The following ACTR3B variants were observed in gnomAD, a reference collection of about 807,000 sequenced individuals.
The protein encoded by ACTR3B is actin related protein 3B.
A neutral mutation model predicts 59.0 loss-of-function variants in ACTR3B; 8 were observed. The ratio of observed to expected loss-of-function variants is 0.14; its 90% CI spans 0.08 to 0.24. The LOEUF (loss-of-function observed/expected upper bound fraction) is 0.24. Ranked by LOEUF, ACTR3B falls within the 10% of genes least tolerant of loss-of-function variation. The probability of loss-of-function intolerance (pLI) is 1.00; values close to 1 mark genes in which losing one functional copy is unlikely to be tolerated. For missense variants in ACTR3B, 245 were observed against 552.3 expected (o/e 0.44, Z 5.58); for synonymous variants, 148 against 197.9 (o/e 0.75, Z 2.12).
chr7:152,815,627 C>G (rs1265267801), intron 5 of ACTR3B, among the ~76,000 whole-genome samples: 1 of 152,236 alleles, frequency 6.6e-6, no homozygotes, highest in Non-Finnish European at 1.5e-5. Flanking sequence ...AGCAGCATCC[C>G]TGGCCTCTGC....
rs1041387292 is a variant in ACTR3B, at chr7:152,854,600, T to C, written c.*47T>C. On this transcript the variant is annotated 3_prime_UTR_variant, in exon 12 of 12. Coordinates refer to ENST00000256001, the MANE Select transcript of ACTR3B (RefSeq NM_020445.6). This position sits in a 1 kb window ranked among gnomAD's most constrained non-coding sequence, Gnocchi z 4.9. ...CGATGGTGTCACGTTGGGGAACAAG[T>C]GTCCTTCAGAACCCAGAGAAGGCCG... 2 of 1,585,854 alleles carry C rather than the reference T, an allele frequency of 1.3e-6. No individual in the cohort carries two copies. Among genetic ancestry groups the C allele is most frequent in the Non-Finnish European group, 1.7e-6 (2 of 1,155,806 alleles).
chr7:152,784,973 G>C (rs1357740757), intron 2 of ACTR3B, among the ~76,000 whole-genome samples: 2 of 152,108 alleles, frequency 1.3e-5, no homozygotes, highest in African/African-American at 2.4e-5. Flanking sequence ...TCTGTAGGAT[G>C]AATCAGTCTT....
At chr7:152,760,692 T>G (rs770275402) in intron 1 of ACTR3B, among the ~76,000 whole-genome samples, 5 of 152,226 alleles carry the variant, frequency 3.3e-5, no homozygotes, top group Non-Finnish European at 7.3e-5. Context: ...TTTTAACTTT[T>G]TGAGTGTGAC....
chr7:152,818,950 T>C (rs1239639430), intron 6 of ACTR3B, among the ~76,000 whole-genome samples: 1 of 152,240 alleles, frequency 6.6e-6, no homozygotes, highest in Non-Finnish European at 1.5e-5. Context: ...GTACATAATT[T>C]ATTTTTCTGT....
Position 152,825,476 on chromosome 7 carries a change from G to A in ACTR3B, c.951+354G>A, listed in dbSNP as rs557425032. ...ACAGGTGCACGCCACCACACCCAGC[G>A]AATTTTTTTTTTTGTATTTCAGTAG... On this transcript the variant is annotated intron_variant, in intron 9 of 11. Transcript: ENST00000256001. 4.0e-4 allele frequency among the ~76,000 whole-genome samples: 60 copies of A among 151,662 alleles called. 1 individual carries two copies. In the South Asian group the frequency reaches 5.0e-3, roughly 13 times the overall value.
chr7:152,836,643 A>G (rs1171491180), intron 9 of ACTR3B, among the ~76,000 whole-genome samples: 1 of 152,098 alleles, frequency 6.6e-6, no homozygotes, highest in East Asian at 1.9e-4. Flanking sequence ...GCAGTGATGT[A>G]TGCTATTTCT....
chr7:152,835,693 C>A (rs1255085681), intron 9 of ACTR3B, among the ~76,000 whole-genome samples: 2 of 152,170 alleles, frequency 1.3e-5, no homozygotes, highest in African/African-American at 4.8e-5. Context: ...GGCGTCCTGA[C>A]CACCCTGCTC....
chr7:152,801,803 T>G (rs1405029880), intron 4 of ACTR3B, 72 bp downstream of exon 4: 1 of 561,720 alleles, frequency 1.8e-6, no homozygotes, highest in African/African-American at 1.9e-5. Context: ...CTGAAGATAT[T>G]CTTTTCTAGG....
intron 4 of ACTR3B, 130 bp from the exon 5 acceptor site, chr7:152,814,420 C>T (rs1224632037): frequency 9.1e-6 from 6 of 662,768 alleles, no homozygotes; most frequent in Middle Eastern, 3.7e-4. Flanking sequence ...CTTTGGGCAT[C>T]CTCTGTCTGT....
chr7:152,781,390 C>T (rs189631902), intron 1 of ACTR3B, among the ~76,000 whole-genome samples: 6 of 152,036 alleles, frequency 3.9e-5, no homozygotes, highest in African/African-American at 1.2e-4. Context: ...TTTTTTACAA[C>T]TGGTGAGAAT....
Position 152,798,401 on chromosome 7 carries a change from G to A in ACTR3B, c.101-2130G>A, listed in dbSNP as rs1590289605. On this transcript the variant is annotated intron_variant, in intron 2 of 11. Coordinates refer to ENST00000256001, the MANE Select transcript of ACTR3B (RefSeq NM_020445.6). ...TTGGGTTATTTGTTTTTTTATTGCT[G>A]TTTGAGTTCTTTATATATTTTGATT... is the stretch of plus-strand genomic sequence containing the variant. Among the ~76,000 whole-genome samples the A allele has an allele frequency of 2.0e-5, 3 of 152,052 alleles. No individual in the cohort carries two copies. In the South Asian group the frequency reaches 6.2e-4, roughly 32 times the overall value.
intron 2 of ACTR3B, among the ~76,000 whole-genome samples, chr7:152,795,960 C>T (rs1256126442): frequency 9.2e-5 from 14 of 151,984 alleles, no homozygotes; most frequent in Non-Finnish European, 1.8e-4. Context: ...TCTCCTGCCT[C>T]AGCCTCCCAA....
intron 2 of ACTR3B, among the ~76,000 whole-genome samples, chr7:152,791,995 A>G (rs902208039): frequency 2.0e-5 from 3 of 152,068 alleles, no homozygotes; most frequent in Non-Finnish European, 4.4e-5. Flanking sequence ...GGGTTCAAGC[A>G]ATTCTCCTGC....
At chr7:152,809,122 T>C (rs896035001) in intron 4 of ACTR3B, among the ~76,000 whole-genome samples, 2 of 151,206 alleles carry the variant, frequency 1.3e-5, no homozygotes, top group African/African-American at 4.9e-5. Context: ...TACCATGTTG[T>C]GGAGTGCTTT....
At chr7:152,822,678 G>A (rs1009670698) in intron 7 of ACTR3B, among the ~76,000 whole-genome samples, 2 of 152,172 alleles carry the variant, frequency 1.3e-5, no homozygotes, top group Admixed American at 6.5e-5. Context: ...TGTGTGTTTC[G>A]CTACCTTGTG....
At chr7:152,777,212 T>C (rs1351359192) in intron 1 of ACTR3B, among the ~76,000 whole-genome samples, 1 of 152,176 alleles carries the variant, frequency 6.6e-6, no homozygotes, top group Non-Finnish European at 1.5e-5. Flanking sequence ...TTAGCACCAG[T>C]TTTGAATGGC....
intron 1 of ACTR3B, among the ~76,000 whole-genome samples, chr7:152,781,519 T>C (rs1223629222): frequency 1.3e-5 from 2 of 151,952 alleles, no homozygotes; most frequent in African/African-American, 4.8e-5. Flanking sequence ...AGTCTAACAG[T>C]GTGGGAAGGT....
At chr7:152,762,676 G>A in intron 1 of ACTR3B, among the ~76,000 whole-genome samples, 1 of 152,160 alleles carries the variant, frequency 6.6e-6, no homozygotes, top group African/African-American at 2.4e-5. Flanking sequence ...TTTATGGAAT[G>A]TCACCCATGA....
chr7:152,821,645 G>A (rs1189590375), intron 7 of ACTR3B, among the ~76,000 whole-genome samples: 2 of 152,136 alleles, frequency 1.3e-5, no homozygotes, highest in Non-Finnish European at 2.9e-5. Context: ...GTTCCAATTT[G>A]GACCCTGAAA....
Sources: gnomAD v4.1 joint callset for allele counts (sites outside exome capture counted in the v4.1 genomes callset) on GRCh38, gnomAD v4.1.1 for gene constraint, Gnocchi (gnomAD v3.1) non-coding constraint, MANE v1.5 for transcripts, NCBI Gene and HGNC (gene_info 2026-07-23, HGNC 2026-07-21) for gene names.